The following SMARCB1 variants were observed in gnomAD, a reference collection of about 807,000 sequenced individuals.
The protein encoded by SMARCB1 is SWI/SNF-related matrix-associated actin-dependent regulator of chromatin subfamily B member 1.
Under a neutral mutation model 49.0 loss-of-function variants are expected in SMARCB1, and 5 were observed. The observed-to-expected ratio is 0.10, with a 90% CI of 0.05 to 0.21. The LOEUF is 0.21. Ranked by LOEUF, SMARCB1 falls within the 10% of genes least tolerant of loss-of-function variation. The probability of loss-of-function intolerance (pLI) is 1.00; values close to 1 mark genes in which losing one functional copy is unlikely to be tolerated. For synonymous variants in SMARCB1, 201 were observed against 200.1 expected (o/e 1.00, Z -0.04); for missense variants, 226 against 509.2 (o/e 0.44, Z 5.35).
At chr22:23,791,941 T>C (rs775557576) in intron 2 of SMARCB1, 47 bp downstream of exon 2, 2 of 1,599,692 alleles carry the variant, frequency 1.3e-6, no homozygotes, top group South Asian at 1.1e-5. Context: ...ACCACTCGCT[T>C]ATGTCATGAA....
At chr22:23,825,687 CCCTGG>C (rs1471128028) in intron 7 of SMARCB1, 1 of 505,356 alleles carries the variant, frequency 2.0e-6, no homozygotes, top group Non-Finnish European at 3.6e-6. Flanking sequence ...CTCCACGGAG[CCCTGG>C]CCTGCCCCCA....
intron 7 of SMARCB1, among the ~76,000 whole-genome samples, chr22:23,829,007 A>G (rs1379917942): frequency 6.6e-6 from 1 of 152,220 alleles, no homozygotes; most frequent in Non-Finnish European, 1.5e-5. Flanking sequence ...AGAGTGACAC[A>G]GGCGTCCCAG....
chr22:23,803,359 A>G lies in SMARCB1; in HGVS notation c.565A>G (p.Ile189Val), dbSNP rs1601405054. ...ATCTCAGCCCGAGGTGCTGGTCCCC[A>G]TCCGGCTGGACATGGAGATCGATGG... The part of the protein sequence containing the change: ...NASQPEVLVP[I>V]RLDMEIDGQK... Residue 189 changes from isoleucine to valine, a missense_variant, in exon 5 of 9, where the codon ATC becomes GTC. Physicochemically the swap from Ile to Val is conservative, Grantham distance 29. Coordinates refer to ENST00000644036, the MANE Select transcript of SMARCB1 (RefSeq NM_003073.5). 1 of 1,614,204 alleles carries G rather than the reference A, an allele frequency of 6.2e-7. No homozygotes were observed. Among genetic ancestry groups the G allele is most frequent in the Non-Finnish European group, 8.5e-7 (1 of 1,180,040 alleles).
chr22:23,816,385 C>T (rs755965135), intron 5 of SMARCB1: 8 of 387,622 alleles, frequency 2.1e-5, no homozygotes, highest in Admixed American at 1.9e-4. Context: ...TGTGCCATCA[C>T]GTCTGCCACC....
chr22:23,808,652 T>G (rs947836437), intron 5 of SMARCB1, among the ~76,000 whole-genome samples: 3 of 151,428 alleles, frequency 2.0e-5, no homozygotes, highest in African/African-American at 7.3e-5. Context: ...TCTAGAATCC[T>G]GTACCCAGTG....
rs2031051225 is a variant in SMARCB1 at position 23,836,395 on chromosome 22, C to G, written c.*2215C>G. On this transcript the variant is annotated 3_prime_UTR_variant, in exon 9 of 9. Transcript: ENST00000644036. ...CATCTGTAGGCTGGTTTGGCACAAC[C>G]TAGGAGACGCCTGTCCTGGCCCCAG... is the stretch of plus-strand genomic sequence containing the variant. 1.0e-6 allele frequency: 1 copy of G among 986,264 alleles called. No individual in the cohort carries two copies. The highest frequency in any genetic ancestry group is 1.2e-6 in the Non-Finnish European group (1 of 830,488). 61.1% of individuals were successfully genotyped at this position (986,264 alleles called of 1,614,324 possible).
chr22:23,837,221 C>T lies in SMARCB1; in HGVS notation c.*3041C>T. 6.4e-7 allele frequency: 1 copy of T among 1,566,384 alleles called. No individual in the cohort carries two copies. The highest frequency in any genetic ancestry group is 8.7e-7 in the Non-Finnish European group (1 of 1,153,548). On this transcript the variant is annotated 3_prime_UTR_variant, in exon 9 of 9. Transcript: ENST00000644036. The stretch of plus-strand genomic sequence containing the variant: ...CAGAGTCCTAGACCAGCAGAGCCTG[C>T]CCCAGGCCCCCATCCACAGCCTGGT...
At chr22:23,821,044 G>A (rs974405823) in intron 6 of SMARCB1, among the ~76,000 whole-genome samples, 4 of 152,244 alleles carry the variant, frequency 2.6e-5, no homozygotes, top group African/African-American at 9.6e-5. Context: ...GGCCTGCAGA[G>A]GAGCCATACA....
At chr22:23,808,303 A>G (rs1646279589) in intron 5 of SMARCB1, among the ~76,000 whole-genome samples, 2 of 152,110 alleles carry the variant, frequency 1.3e-5, no homozygotes, top group Non-Finnish European at 2.9e-5. Flanking sequence ...TGTATTTTTT[A>G]GTAGAGACAG....
At chr22:23,818,232 A>G (rs974375086) in intron 6 of SMARCB1, 1 of 151,470 alleles carries the variant, frequency 6.6e-6, no homozygotes, top group East Asian at 2.0e-4. Context: ...AGCTCACTGC[A>G]AGCTCCGCCT....
At chr22:23,823,010 T>C (rs2030186195) in intron 6 of SMARCB1, 3 of 124,026 alleles carry the variant, frequency 2.4e-5, no homozygotes, top group East Asian at 2.7e-4. Flanking sequence ...ACACAGAGTC[T>C]CGCTGTGTTG....
At chr22:23,803,212 T>G in intron 4 of SMARCB1, 83 bp from the exon 5 acceptor site, 1 of 1,583,972 alleles carries the variant, frequency 6.3e-7, no homozygotes, top group Non-Finnish European at 8.6e-7. Context: ...TGCAGAAGCC[T>G]GCTGTGCAGA....
chr22:23,798,922 C>T (rs980687203), intron 3 of SMARCB1, among the ~76,000 whole-genome samples: 6 of 152,016 alleles, frequency 3.9e-5, no homozygotes, highest in South Asian at 4.2e-4. Context: ...TGGTGGTGGG[C>T]GCCTGTAGTC....
intron 1 of SMARCB1, among the ~76,000 whole-genome samples, chr22:23,788,133 C>G (rs1928130208): frequency 6.6e-6 from 1 of 152,102 alleles, no homozygotes; most frequent in African/African-American, 2.4e-5. Context: ...CTGGGTCTCC[C>G]AAAGTGCTAG....
At chr22:23,819,294 G>A (rs5760053) in intron 6 of SMARCB1, among the ~76,000 whole-genome samples, 138,699 of 152,228 alleles carry the variant, frequency 0.91, 63,331 homozygotes, top group Middle Eastern at 0.96. Context: ...GGGTGTGCAG[G>A]TATCTGTTGG....
chr22:23,812,930 T>C (rs1929969812), intron 5 of SMARCB1, among the ~76,000 whole-genome samples: 1 of 150,706 alleles, frequency 6.6e-6, no homozygotes, highest in Non-Finnish European at 1.5e-5. Context: ...AGTGGCATGA[T>C]CTCAGCTCAC....
At chr22:23,813,841 T>A (rs5760046) in intron 5 of SMARCB1, among the ~76,000 whole-genome samples, 133,226 of 152,000 alleles carry the variant, frequency 0.88, 58,672 homozygotes, top group Middle Eastern at 0.96. Context: ...TATTATTATT[T>A]TTTTTTGAGA....
In SMARCB1 at chr22:23,803,350, C is replaced by T. The variant is rs2145982851; in HGVS notation, c.556C>T (p.Leu186=). The T allele has an allele frequency of 6.2e-7, 1 of 1,614,196 alleles. No homozygotes were observed. The change falls in exon 5 of 9, where the codon CTG becomes TTG. Residue 186 remains leucine (L), a synonymous_variant. Coordinates refer to ENST00000644036, the MANE Select transcript of SMARCB1 (RefSeq NM_003073.5). ...TGAGAACGCATCTCAGCCCGAGGTGCTGGTCCCCATCCGGCTGGACATGGA... is the reference window on the plus strand; with the variant it reads ...TGAGAACGCATCTCAGCCCGAGGTGTTGGTCCCCATCCGGCTGGACATGGA... ...IHENASQPEV[L]VPIRLDMEID...
At position 23,787,049 on chromosome 22, in the gene SMARCB1, C is replaced by T. The variant is rs924170947; in HGVS notation, c.-121C>T. 50 of 668,074 alleles carry T rather than the reference C, an allele frequency of 7.5e-5. No homozygotes were observed. In the South Asian group the frequency reaches 7.9e-4, roughly 11 times the overall value. The allele number at this position is 668,074 out of a possible 1,614,324, so 41.4% of individuals were successfully genotyped here. The stretch of plus-strand genomic sequence containing the variant: ...AGGAGCCCGGCTGAGGCGCCAGTAC[C>T]CGGCCCGGTCCGCATTTCGCCTTCC... On this transcript the variant is annotated 5_prime_UTR_variant, in exon 1 of 9. Coordinates refer to ENST00000644036, the MANE Select transcript of SMARCB1 (RefSeq NM_003073.5).
Sources: gnomAD v4.1 joint callset for allele counts (sites outside exome capture counted in the v4.1 genomes callset) on GRCh38, gnomAD v4.1.1 for gene constraint, MANE v1.5 for transcripts, NCBI Gene and HGNC (gene_info 2026-07-23, HGNC 2026-07-21) for gene names.